RALGPS1: variants seen among roughly 807,000 people sequenced by gnomAD.
RALGPS1 encodes the protein ras-specific guanine nucleotide-releasing factor RalGPS1.
RALGPS1 carries 19 observed loss-of-function variants against 78.8 expected under a neutral mutation model. That is an observed-to-expected ratio of 0.24 (90% CI 0.17 to 0.35). The LOEUF (loss-of-function observed/expected upper bound fraction) is 0.35. Ranked by LOEUF, RALGPS1 falls within the 10% of genes least tolerant of loss-of-function variation. RALGPS1 has a pLI of 1.00. For missense variants in RALGPS1, 454 were observed against 688.3 expected, an observed-to-expected ratio of 0.66 and a Z score of 3.81; for synonymous variants, 228 against 256.3, an observed-to-expected ratio of 0.89 and a Z score of 1.06.
chr9:127,198,909 T>C (rs1206006867), intron 13 of RALGPS1, 106 bp from the exon 14 acceptor site: 1 of 968,420 alleles, frequency 1.0e-6, no homozygotes, highest in African/African-American at 1.6e-5. Context: ...GGAAGCAGTT[T>C]CTGTGGCACT....
In RALGPS1 at chr9:127,038,229, A is replaced by C. The variant is rs535319181; in HGVS notation, c.300+3715A>C. On this transcript the variant is annotated intron_variant, in intron 5 of 18. Transcript: ENST00000259351. ...TTTATTGAGCATTAATGCTGAACTT[A>C]TTGAATCAGATACTATGCTAAGCAT... Among the ~76,000 whole-genome samples the C allele has an allele frequency of 2.0e-5, 3 of 152,306 alleles. No individual in the cohort carries two copies. In the South Asian group the frequency reaches 6.2e-4, roughly 32 times the overall value.
rs140215013 is a variant in RALGPS1, at chr9:127,123,510, G to A, written c.611-42559G>A. On this transcript the variant is annotated intron_variant, in intron 8 of 18. Coordinates refer to ENST00000259351, the MANE Select transcript of RALGPS1 (RefSeq NM_014636.3). ...CTCCTTGAACTGAGCTTAGGACTCTGGAGATGGGTGGATCAAGGGTCTCCT... is the reference window on the plus strand; with the variant it reads ...CTCCTTGAACTGAGCTTAGGACTCTAGAGATGGGTGGATCAAGGGTCTCCT... Among the ~76,000 whole-genome samples, 6 of 152,292 alleles carry A rather than the reference G, an allele frequency of 3.9e-5. No individual in the cohort carries two copies. The East Asian group carries it at 1.2e-3, about 29-fold the overall frequency.
rs117549410 is a variant in RALGPS1 at position 127,029,381 on chromosome 9, C to T, written c.217-5050C>T. ...CCTTTGGTTAGGTGTGTAATTGTCC[C>T]ACCAGTTCTTCTGAAGATGATTTAT... is the stretch of plus-strand genomic sequence containing the variant. On this transcript the variant is annotated intron_variant, in intron 4 of 18. Transcript: ENST00000259351. 2.4e-3 allele frequency among the ~76,000 whole-genome samples: 370 copies of T among 152,250 alleles called. 4 individuals carry two copies. The highest frequency in any genetic ancestry group is 0.018 in the East Asian group (91 of 5,170).
Position 127,091,406 on chromosome 9 carries a change from C to T in RALGPS1, c.610+22050C>T, listed in dbSNP as rs1012696833. ...GCATTGGCCCCAGCTGGCCCTGGTA[C>T]GTGTGATTTGTATACCTCTTTATGT... On this transcript the variant is annotated intron_variant, in intron 8 of 18. Transcript: ENST00000259351. The surrounding 1 kb of genome is among the most constrained non-coding windows in gnomAD (Gnocchi z 4.3). Among the ~76,000 whole-genome samples the T allele has an allele frequency of 3.3e-5, 5 of 152,150 alleles. No homozygotes were observed. The highest frequency in any genetic ancestry group is 9.7e-5 in the African/African-American group (4 of 41,404).
chr9:126,951,711 C>T (rs1010635606), intron 1 of RALGPS1, among the ~76,000 whole-genome samples: 9 of 152,312 alleles, frequency 5.9e-5, no homozygotes, highest in African/African-American at 1.9e-4. Context: ...CAGCCATTGT[C>T]ATACTGAATG....
chr9:127,000,604 A>G (rs2043206916), intron 4 of RALGPS1, among the ~76,000 whole-genome samples: 1 of 127,880 alleles, frequency 7.8e-6, no homozygotes, highest in Admixed American at 1.0e-4. Flanking sequence ...GCTGGAGTGC[A>G]AAGGTACTAT....
At position 127,205,479 on chromosome 9, in the gene RALGPS1, C is replaced by T. The variant is rs972747933; in HGVS notation, c.1247+6413C>T. ...GAAGAGTGCACAAAGAACCCCTGGC[C>T]TCTAGGTGCCAGGGCTTTTTGCTTG... On this transcript the variant is annotated intron_variant, in intron 14 of 18. Coordinates refer to ENST00000259351, the MANE Select transcript of RALGPS1 (RefSeq NM_014636.3). This position sits in a 1 kb window ranked among gnomAD's most constrained non-coding sequence, Gnocchi z 4.0. Among the ~76,000 whole-genome samples, 1 of 152,232 alleles carries T rather than the reference C, an allele frequency of 6.6e-6. No homozygotes were observed. The highest frequency in any genetic ancestry group is 1.9e-4 in the East Asian group (1 of 5,198).
chr9:127,203,231 C>T (rs989886444), intron 14 of RALGPS1, among the ~76,000 whole-genome samples: 1 of 152,144 alleles, frequency 6.6e-6, no homozygotes. Flanking sequence ...TTCTGGTCTC[C>T]AGGTTTATTG....
rs2052529571 is a variant in RALGPS1, at chr9:127,091,927, T to A, written c.610+22571T>A. The A allele has an allele frequency of 6.2e-7, 1 of 1,613,788 alleles. No individual in the cohort carries two copies. The highest frequency in any genetic ancestry group is 1.1e-5 in the South Asian group (1 of 91,064). On this transcript the variant is annotated intron_variant, in intron 8 of 18. Transcript: ENST00000259351. The surrounding 1 kb of genome is among the most constrained non-coding windows in gnomAD (Gnocchi z 4.3). ...GCCCAGCCAGTATTCGCCGTCAATG[T>A]TCCCAAACCCTTGCTGGGGAAAACC... is the stretch of plus-strand genomic sequence containing the variant.
rs142389011 is a variant in RALGPS1 at position 127,096,424 on chromosome 9, C to T, written c.610+27068C>T. Among the ~76,000 whole-genome samples, 788 of 152,274 alleles carry T rather than the reference C, an allele frequency of 5.2e-3. 9 individuals carry two copies. Among genetic ancestry groups the T allele is most frequent in the African/African-American group, 0.018 (751 of 41,548 alleles). ...CCTGCAAAATAACGCCCACTGAGAGCGAGCAGCCCAGCCTCTTACTGCACA... is the reference window on the plus strand; with the variant it reads ...CCTGCAAAATAACGCCCACTGAGAGTGAGCAGCCCAGCCTCTTACTGCACA... On this transcript the variant is annotated intron_variant, in intron 8 of 18. Transcript: ENST00000259351.
chr9:127,069,733 A>G (rs2050028650), intron 8 of RALGPS1: 1 of 156,580 alleles, frequency 6.4e-6, no homozygotes, highest in Admixed American at 6.5e-5. Flanking sequence ...TATATTTCAT[A>G]TTTGTACAAA....
At chr9:126,968,908 C>T (rs1423349156) in intron 3 of RALGPS1, among the ~76,000 whole-genome samples, 4 of 152,052 alleles carry the variant, frequency 2.6e-5, no homozygotes, top group African/African-American at 4.8e-5. Context: ...ATTAACTGGA[C>T]GTGGTGGTGC....
chr9:127,067,032 A>G (rs1277572615), intron 7 of RALGPS1, among the ~76,000 whole-genome samples: 2 of 152,120 alleles, frequency 1.3e-5, no homozygotes, highest in Non-Finnish European at 2.9e-5. Context: ...CCTGTGTTGA[A>G]TCAAGTTCCC....
intron 4 of RALGPS1, among the ~76,000 whole-genome samples, chr9:126,986,308 T>G (rs931583316): frequency 6.6e-6 from 1 of 152,248 alleles, no homozygotes; most frequent in Non-Finnish European, 1.5e-5. Flanking sequence ...GGTGTATTAA[T>G]GCAGATATAG....
At chr9:127,187,962 C>G (rs1228779989) in intron 11 of RALGPS1, among the ~76,000 whole-genome samples, 1 of 152,046 alleles carries the variant, frequency 6.6e-6, no homozygotes, top group Non-Finnish European at 1.5e-5. Context: ...CACCTGTGGC[C>G]CACAGAATCA....
At chr9:126,926,746 G>T (rs190363807) in intron 1 of RALGPS1, among the ~76,000 whole-genome samples, 50 of 152,206 alleles carry the variant, frequency 3.3e-4, no homozygotes, top group Non-Finnish European at 5.4e-4. Context: ...GCTGAGTGAG[G>T]GTTATTATAG....
intron 11 of RALGPS1, among the ~76,000 whole-genome samples, chr9:127,191,861 C>A (rs970571904): frequency 6.6e-6 from 1 of 152,046 alleles, no homozygotes; most frequent in Admixed American, 6.6e-5. Context: ...CCACGCCCGG[C>A]TAATTTTTTG....
chr9:126,915,357 G>C (rs1391277662), intron 1 of RALGPS1: 1 of 145,598 alleles, frequency 6.9e-6, no homozygotes, highest in East Asian at 2.1e-4. Context: ...CGTGGGCGGG[G>C]CTGTGGGGTG....
At chr9:127,023,486 C>T (rs1375351775) in intron 4 of RALGPS1, among the ~76,000 whole-genome samples, 1 of 151,826 alleles carries the variant, frequency 6.6e-6, no homozygotes, top group Admixed American at 6.6e-5. Flanking sequence ...TTCTTTTTGT[C>T]TTTCTCTCCT....
Sources: allele counts gnomAD v4.1 joint callset (sites outside exome capture counted in the v4.1 genomes callset), GRCh38; gene constraint gnomAD v4.1.1; non-coding constraint Gnocchi (gnomAD v3.1); transcripts MANE v1.5; gene names NCBI Gene and HGNC (gene_info 2026-07-23, HGNC 2026-07-21).